Variants in DLG2 observed in about 807,000 individuals in gnomAD.
DLG2 encodes disks large homolog 2.
Under a neutral mutation model 132.5 loss-of-function variants are expected in DLG2, and 45 were observed. The observed-to-expected ratio is 0.34, with a 90% CI of 0.27 to 0.44. The LOEUF (loss-of-function observed/expected upper bound fraction) is 0.44, where lower values mean the gene tolerates loss of function less well. Ranked by LOEUF, DLG2 falls within the 20% of genes least tolerant of loss-of-function variation. The pLI is 1.00. For synonymous variants in DLG2, 424 were observed against 419.6 expected (o/e 1.01, Z -0.13); for missense variants, 1,045 against 1,196.9 (o/e 0.87, Z 1.87).
upstream of DLG2, chr11:85,627,635 G>A (rs2082098201): frequency 6.6e-6 from 1 of 152,268 alleles, no homozygotes; most frequent in Non-Finnish European, 1.5e-5. Context: ...AGAAAGTGCA[G>A]CTGCTTGGCT....
At chr11:83,587,398 T>C (rs2097104090) in intron 19 of DLG2, among the ~76,000 whole-genome samples, 2 of 152,140 alleles carry the variant, frequency 1.3e-5, no homozygotes. Flanking sequence ...GCCTCCCAAG[T>C]AGCTGGGACC....
chr11:83,889,343 A>G (rs1262638548), intron 15 of DLG2, among the ~76,000 whole-genome samples: 2 of 152,104 alleles, frequency 1.3e-5, no homozygotes, highest in African/African-American at 2.4e-5. Flanking sequence ...GCAGCCAAAA[A>G]ACACATGAAA....
At chr11:85,540,126 G>A (rs993198726) in intron 3 of DLG2, among the ~76,000 whole-genome samples, 3 of 152,196 alleles carry the variant, frequency 2.0e-5, no homozygotes, top group Non-Finnish European at 4.4e-5. Context: ...GTGCAGGAAG[G>A]GAAATGCTGG....
chr11:83,957,853 A>C (rs1305759423), intron 14 of DLG2, among the ~76,000 whole-genome samples: 2 of 151,828 alleles, frequency 1.3e-5, no homozygotes, highest in African/African-American at 4.8e-5. Flanking sequence ...AATCATCACC[A>C]CTTTCTACTT....
intron 12 of DLG2, among the ~76,000 whole-genome samples, chr11:83,974,413 T>C (rs1417281818): frequency 1.3e-5 from 2 of 152,076 alleles, no homozygotes; most frequent in Non-Finnish European, 2.9e-5. Flanking sequence ...TAAGATATGC[T>C]CACACATAGC....
intron 9 of DLG2, among the ~76,000 whole-genome samples, chr11:84,104,897 G>A (rs746797139): frequency 8.6e-5 from 13 of 151,950 alleles, no homozygotes; most frequent in African/African-American, 1.2e-4. Context: ...TTCCTATGTG[G>A]TAGATTGTAT....
At position 85,271,990 on chromosome 11, in the gene DLG2, A is replaced by T. The variant is rs59456004; in HGVS notation, c.186+13230T>A. Among the ~76,000 whole-genome samples the T allele has an allele frequency of 3.7e-3, 559 of 152,266 alleles. 3 individuals are homozygous for T. The highest frequency in any genetic ancestry group is 0.013 in the African/African-American group (536 of 41,546). On this transcript the variant is annotated intron_variant, in intron 4 of 27. Transcript: ENST00000376104. ...TTGAAATGTGAAGACATGAAATTTGAGAGGGGCCAGGTGTGAATGATATGG... is the reference window on the plus strand; with the variant it reads ...TTGAAATGTGAAGACATGAAATTTGTGAGGGGCCAGGTGTGAATGATATGG...
chr11:85,120,419 T>A (rs1471056825), intron 5 of DLG2, among the ~76,000 whole-genome samples: 1 of 152,078 alleles, frequency 6.6e-6, no homozygotes, highest in Non-Finnish European at 1.5e-5. Context: ...GAAAACACCA[T>A]ATCTAGAAAT....
chr11:83,888,517 C>T (rs1384997045), intron 15 of DLG2, among the ~76,000 whole-genome samples: 1 of 152,104 alleles, frequency 6.6e-6, no homozygotes, highest in African/African-American at 2.4e-5. Context: ...TGAAAATTGC[C>T]ATACTGCCCA....
intron 3 of DLG2, among the ~76,000 whole-genome samples, chr11:85,437,733 A>G (rs892096135): frequency 1.4e-4 from 22 of 152,140 alleles, no homozygotes; most frequent in Non-Finnish European, 2.9e-5. Flanking sequence ...TTTCTTTATA[A>G]TGGAACTAAT....
intron 6 of DLG2, among the ~76,000 whole-genome samples, chr11:85,002,979 T>C (rs1428706119): frequency 6.6e-6 from 1 of 152,076 alleles, no homozygotes; most frequent in Non-Finnish European, 1.5e-5. Flanking sequence ...ATGATATGTA[T>C]AACTTACAAA....
chr11:83,709,237 G>A (rs995470216), intron 18 of DLG2, among the ~76,000 whole-genome samples: 4 of 150,528 alleles, frequency 2.7e-5, no homozygotes, highest in Middle Eastern at 3.4e-3. Flanking sequence ...TACACTGTGT[G>A]TGTGTGTGTG....
intron 3 of DLG2, among the ~76,000 whole-genome samples, chr11:85,544,151 T>C (rs1485919628): frequency 2.3e-4 from 35 of 152,220 alleles, no homozygotes; most frequent in Non-Finnish European, 2.9e-5. Context: ...TGAATCTGTC[T>C]TGAGTTAATT....
intron 5 of DLG2, among the ~76,000 whole-genome samples, chr11:85,127,215 T>C (rs578165817): frequency 1.4e-3 from 216 of 151,744 alleles, no homozygotes; most frequent in Middle Eastern, 3.4e-3. Context: ...TCTTGAAATG[T>C]GCAATTCATT....
intron 17 of DLG2, among the ~76,000 whole-genome samples, chr11:83,820,976 A>AAATCTCC (rs2050616894): frequency 6.6e-6 from 1 of 152,230 alleles, no homozygotes; most frequent in Non-Finnish European, 1.5e-5. Flanking sequence ...ACTTAGAACA[A>AAATCTCC]AATCTCCAAA....
At chr11:84,094,103 G>T (rs1318429592) in intron 10 of DLG2, among the ~76,000 whole-genome samples, 2 of 151,998 alleles carry the variant, frequency 1.3e-5, no homozygotes, top group Non-Finnish European at 1.5e-5. Flanking sequence ...CTGCATTATA[G>T]CTTAGAAGAT....
At chr11:85,533,649 T>TATAG (rs2075371166) in intron 3 of DLG2, among the ~76,000 whole-genome samples, 1 of 152,034 alleles carries the variant, frequency 6.6e-6, no homozygotes, top group African/African-American at 2.4e-5. Flanking sequence ...TTATTATAGA[T>TATAG]ATAGATAGAT....
At chr11:84,890,248 T>A (rs2089126367) in intron 6 of DLG2, among the ~76,000 whole-genome samples, 1 of 152,198 alleles carries the variant, frequency 6.6e-6, no homozygotes, top group South Asian at 2.1e-4. Context: ...GCTAAGAGAC[T>A]GTGGACACTT....
intron 6 of DLG2, among the ~76,000 whole-genome samples, chr11:85,078,409 G>C (rs1223308538): frequency 1.3e-5 from 2 of 151,672 alleles, no homozygotes. Flanking sequence ...AAGTGTAAAG[G>C]CTTTGAGGTA....
Sources: gnomAD v4.1 joint callset for allele counts (sites outside exome capture counted in the v4.1 genomes callset) on GRCh38, gnomAD v4.1.1 for gene constraint, MANE v1.5 for transcripts, NCBI Gene and HGNC (gene_info 2026-07-23, HGNC 2026-07-21) for gene names.